ZDBF2: variants seen among roughly 807,000 people sequenced by gnomAD.
The protein encoded by ZDBF2 is DBF4-type zinc finger-containing protein 2.
In ZDBF2, 6 loss-of-function variants were observed where a neutral mutation model predicts 9.4. The ratio of observed to expected loss-of-function variants is 0.64; its 90% CI spans 0.35 to 1.27. The LOEUF is 1.27. Ranked by LOEUF, ZDBF2 falls within the 50% of genes most tolerant of loss-of-function variation. The probability of loss-of-function intolerance (pLI) is 0.03; values close to 1 mark genes in which losing one functional copy is unlikely to be tolerated. For missense variants in ZDBF2, 2,697 were observed against 2,766.8 expected (o/e 0.97, Z 0.57); for synonymous variants, 905 against 946.3 (o/e 0.96, Z 0.80).
rs544583317 is a variant in ZDBF2 at position 206,310,814 on chromosome 2, G to T, written c.6286G>T (p.Asp2096Tyr). Residue 2096 changes from aspartate to tyrosine, a missense_variant, in exon 5 of 5, where the codon GAT (aspartate) becomes TAT (tyrosine). By Grantham distance (160) the Asp-to-Tyr change is radical (BLOSUM62 -3). Transcript: ENST00000374423. ...CCAAAACTCCAGTGCAGGAGATAAT[G>T]ATGCTGATGGACAAGGCTCTGCTTC... ...SNQNSSAGDN[D>Y]ADGQGSASAP... The T allele has an allele frequency of 7.4e-6, 12 of 1,613,986 alleles. No homozygotes were observed. In the South Asian group the frequency reaches 1.3e-4, roughly 18 times the overall value.
chr2:206,297,445 A>G lies in ZDBF2; in HGVS notation c.188+72A>G, dbSNP rs1017799259. On this transcript the variant is annotated intron_variant, in intron 4 of 4. Transcript: ENST00000374423. The stretch of plus-strand genomic sequence containing the variant: ...AGTAGGTGTTTGTGTTCATGTCCCA[A>G]TCAATACTTTAAGTGAATCTTTGAG... 52 of 1,309,294 alleles carry G rather than the reference A, an allele frequency of 4.0e-5. 2 individuals carry two copies. In the South Asian group the frequency reaches 8.3e-4, roughly 21 times the overall value. The allele number at this position is 1,309,294 out of a possible 1,614,324, so 81.1% of individuals were successfully genotyped here. A position where few individuals can be genotyped will look rare whatever the true frequency, so the allele number is the denominator to read the frequency against.
At chr2:206,281,489 G>C (rs939788226) in intron 2 of ZDBF2, among the ~76,000 whole-genome samples, 2 of 152,162 alleles carry the variant, frequency 1.3e-5, no homozygotes, top group African/African-American at 2.4e-5. Context: ...TATCTTAGAA[G>C]TAATTGGTCT....
chr2:206,310,323 G>C lies in ZDBF2; in HGVS notation c.5795G>C (p.Arg1932Pro). 2 of 1,613,904 alleles carry C rather than the reference G, an allele frequency of 1.2e-6. No homozygotes were observed. The highest frequency in any genetic ancestry group is 1.7e-6 in the Non-Finnish European group (2 of 1,179,868). Residue 1932 changes from arginine to proline, a missense_variant, in exon 5 of 5, where the codon CGT (arginine) becomes CCT (proline). Physicochemically the swap from Arg to Pro is moderately radical, Grantham distance 103. Coordinates refer to ENST00000374423, the MANE Select transcript of ZDBF2 (RefSeq NM_020923.3). ...PAERPPKQKG[R>P]VASQCQTAKI... Reference sequence around the variant, plus strand: ...GAGAGGCCTCCTAAGCAAAAGGGGCGTGTGGCTTCTCAATGCCAGACAGCG... The same window carrying C: ...GAGAGGCCTCCTAAGCAAAAGGGGCCTGTGGCTTCTCAATGCCAGACAGCG...
At chr2:206,298,468 G>A (rs531796707) in intron 4 of ZDBF2, among the ~76,000 whole-genome samples, 1 of 152,274 alleles carries the variant, frequency 6.6e-6, no homozygotes, top group South Asian at 2.1e-4. Context: ...CTTAGCTGGT[G>A]GGAAGATAGA....
intron 4 of ZDBF2, among the ~76,000 whole-genome samples, chr2:206,297,886 G>T (rs963227953): frequency 1.3e-5 from 2 of 152,132 alleles, no homozygotes; most frequent in African/African-American, 4.8e-5. Flanking sequence ...TCGCCATGTT[G>T]GTCAGGCTGG....
Position 206,311,165 on chromosome 2 carries a change from A to G in ZDBF2, c.6637A>G (p.Ile2213Val), listed in dbSNP as rs1212775063. The G allele has an allele frequency of 3.2e-5, 52 of 1,613,064 alleles. No homozygotes were observed. The highest frequency in any genetic ancestry group is 4.2e-5 in the Non-Finnish European group (49 of 1,179,694). ...CAGAAAAGCTTCAGAGAAACAGTCA[A>G]TTTGGATTCGGACCAAACCAAGTGA... ...KPRKASEKQSIWIRTKPSDII... is the reference protein window; with the variant it reads ...KPRKASEKQSVWIRTKPSDII... Residue 2213 changes from isoleucine to valine, a missense_variant, in exon 5 of 5, where the codon ATT (isoleucine) becomes GTT (valine). Coordinates refer to ENST00000374423, the MANE Select transcript of ZDBF2 (RefSeq NM_020923.3).
intron 1 of ZDBF2, among the ~76,000 whole-genome samples, chr2:206,279,327 G>A (rs1216135124): frequency 6.6e-6 from 1 of 152,070 alleles, no homozygotes; most frequent in Non-Finnish European, 1.5e-5. Context: ...GGGTTAGATG[G>A]GCCATCACAG....
chr2:206,279,390 A>G (rs1559130226), intron 1 of ZDBF2, 150 bp from the exon 2 acceptor site: 1 of 152,202 alleles, frequency 6.6e-6, no homozygotes, highest in Non-Finnish European at 1.5e-5. Flanking sequence ...GAGTCATAGT[A>G]TGTAAAGTGC....
Position 206,305,039 on chromosome 2 carries a change from A to G in ZDBF2, c.511A>G (p.Thr171Ala). The G allele has an allele frequency of 6.2e-7, 1 of 1,613,824 alleles. No individual in the cohort carries two copies. The highest frequency in any genetic ancestry group is 8.5e-7 in the Non-Finnish European group (1 of 1,179,814). Residue 171 changes from threonine to alanine, a missense_variant, in exon 5 of 5, where the codon ACA (threonine) becomes GCA (alanine). By Grantham distance (58) the Thr-to-Ala change is moderately conservative. This residue lies in a region of ZDBF2 where 910 missense variants were observed against 973.6 expected (regional missense o/e 0.93). Transcript: ENST00000374423. Reference sequence around the variant, plus strand: ...TAACCTAGTAGATATTGGTCAGGCTACAAATAATAGAAGCAACTTGGTACG... The same window carrying G: ...TAACCTAGTAGATATTGGTCAGGCTGCAAATAATAGAAGCAACTTGGTACG... Reference protein sequence around the residue: ...KCNLVDIGQATNNRSNLVRPP... With the variant: ...KCNLVDIGQAANNRSNLVRPP...
chr2:206,304,020 A>G (rs1370099549), intron 4 of ZDBF2, among the ~76,000 whole-genome samples: 2 of 152,180 alleles, frequency 1.3e-5, no homozygotes, highest in East Asian at 1.9e-4. Flanking sequence ...AGCAGTAACT[A>G]TTCTTGTACG....
At chr2:206,275,224 C>T (rs1241852390) in intron 1 of ZDBF2, among the ~76,000 whole-genome samples, 12 of 152,088 alleles carry the variant, frequency 7.9e-5, no homozygotes, top group African/African-American at 2.9e-4. Flanking sequence ...GGCCCTGGGT[C>T]AGAGGGGCCG....
intron 2 of ZDBF2, among the ~76,000 whole-genome samples, chr2:206,281,224 T>C (rs1691301112): frequency 6.6e-6 from 1 of 152,230 alleles, no homozygotes; most frequent in Non-Finnish European, 1.5e-5. Context: ...CCTATTTATC[T>C]GGCTTACATA....
Position 206,312,036 on chromosome 2 carries a change from G to C in ZDBF2, c.*443G>C, listed in dbSNP as rs1383062027. The C allele has an allele frequency of 6.6e-5, 10 of 152,326 alleles. No homozygotes were observed. Among genetic ancestry groups the C allele is most frequent in the African/African-American group, 1.9e-4 (8 of 41,556 alleles). The allele number at this position is 152,326 out of a possible 1,614,324, so 9.4% of individuals were successfully genotyped here. A position where few individuals can be genotyped will look rare whatever the true frequency, so the allele number is the denominator to read the frequency against. ...TTAAATGAATACAAACAAAATATAA[G>C]TTTTCTTTCTTTTTAAAGCATTCCA... On this transcript the variant is annotated 3_prime_UTR_variant, in exon 5 of 5. Coordinates refer to ENST00000374423, the MANE Select transcript of ZDBF2 (RefSeq NM_020923.3).
intron 1 of ZDBF2, among the ~76,000 whole-genome samples, chr2:206,279,043 T>C (rs1691173101): frequency 6.6e-6 from 1 of 152,200 alleles, no homozygotes; most frequent in Non-Finnish European, 1.5e-5. Context: ...TAACCAGTGA[T>C]CCTGGATAAG....
intron 3 of ZDBF2, chr2:206,292,237 A>C (rs1165028343): frequency 5.1e-6 from 2 of 395,780 alleles, no homozygotes; most frequent in Non-Finnish European, 8.9e-6. Flanking sequence ...GTTTATAAAG[A>C]GAATAAAAGT....
Position 206,309,230 on chromosome 2 carries a change from A to T in ZDBF2, c.4702A>T (p.Ile1568Phe), listed in dbSNP as rs1483651705. 6.2e-7 allele frequency: 1 copy of T among 1,606,986 alleles called. No individual in the cohort carries two copies. Among genetic ancestry groups the T allele is most frequent in the Admixed American group, 1.7e-5 (1 of 58,758 alleles). ...TATCAGCTGTATAAATACAGAATGT[A>T]TTGATATAGAAGATAAGAGCTGTGA... is the stretch of plus-strand genomic sequence containing the variant. ...KDISCINTEC[I>F]DIEDKSCDFF... The change falls in exon 5 of 5, where the codon ATT becomes TTT. Residue 1568 changes from isoleucine (I) to phenylalanine (F), a missense_variant. Ile to Phe is a conservative substitution (Grantham distance 21). Transcript: ENST00000374423.
Position 206,281,793 on chromosome 2 carries a change from T to C in ZDBF2, c.-49-8T>C. 1 of 1,538,422 alleles carries C rather than the reference T, an allele frequency of 6.5e-7. No homozygotes were observed. The highest frequency in any genetic ancestry group is 1.4e-5 in the African/African-American group (1 of 72,744). On this transcript the variant is annotated splice_region_variant and splice_polypyrimidine_tract_variant and intron_variant, in intron 2 of 4. Coordinates refer to ENST00000374423, the MANE Select transcript of ZDBF2 (RefSeq NM_020923.3). The stretch of plus-strand genomic sequence containing the variant: ...ATGATTTTTACCATTTTTCTTTTTG[T>C]TTTTCAGCTTGAGTATTCAAAGACA...
At position 206,307,952 on chromosome 2, in the gene ZDBF2, A is replaced by T. The variant is rs768629349; in HGVS notation, c.3424A>T (p.Asn1142Tyr). ...AGCTATTAAACATGTGAACCTTGGG[A>T]ATGAAAACCATATGTACTTGGAAGT... ...KVAIKHVNLGNENHMYLEVKN... is the reference protein window; with the variant it reads ...KVAIKHVNLGYENHMYLEVKN... Residue 1142 changes from asparagine to tyrosine, a missense_variant, in exon 5 of 5, where the codon AAT (asparagine) becomes TAT (tyrosine). Asn to Tyr is a moderately radical substitution (Grantham distance 143). This residue lies in a region of ZDBF2 where 1,783 missense variants were observed against 1,776.5 expected (regional missense o/e 1.00). Transcript: ENST00000374423. 1 of 1,613,620 alleles carries T rather than the reference A, an allele frequency of 6.2e-7. No homozygotes were observed. The highest frequency in any genetic ancestry group is 1.3e-5 in the African/African-American group (1 of 74,916).
intron 4 of ZDBF2, among the ~76,000 whole-genome samples, chr2:206,304,341 TC>T (rs1692652688): frequency 6.6e-6 from 1 of 152,192 alleles, no homozygotes; most frequent in African/African-American, 2.4e-5. Flanking sequence ...ATCAAAACAA[TC>T]TCATGAGGGA....
Sources: gnomAD v4.1 joint callset for allele counts (sites outside exome capture counted in the v4.1 genomes callset) on GRCh38, gnomAD v4.1.1 for gene constraint, gnomAD v4.1.1 regional missense constraint, MANE v1.5 for transcripts, NCBI Gene and HGNC (gene_info 2026-07-23, HGNC 2026-07-21) for gene names.